Variants in TTC19 observed in about 807,000 individuals in gnomAD.
TTC19 encodes the protein tetratricopeptide repeat domain 19, also known as tetratricopeptide repeat protein 19, mitochondrial.
Under a neutral mutation model 49.5 loss-of-function variants are expected in TTC19, and 38 were observed. The observed-to-expected ratio is 0.77, with a 90% CI of 0.59 to 1.01. The LOEUF (loss-of-function observed/expected upper bound fraction) is 1.01, where lower values mean the gene tolerates loss of function less well. Ranked by LOEUF, TTC19 falls within the 50% of genes least tolerant of loss-of-function variation. TTC19 has a pLI of 0.00. For missense variants in TTC19, 475 were observed against 477.7 expected (o/e 0.99, Z 0.05); for synonymous variants, 204 against 185.2 (o/e 1.10, Z -0.83).
chr17:16,009,008 G>C lies in TTC19; in HGVS notation c.676+2440G>C, dbSNP rs1360516895. 1.3e-5 allele frequency among the ~76,000 whole-genome samples: 2 copies of C among 152,194 alleles called. 1 individual carries two copies. The highest frequency in any genetic ancestry group is 4.1e-4 in the South Asian group (2 of 4,828). On this transcript the variant is annotated intron_variant, in intron 7 of 9. Coordinates refer to ENST00000261647, the MANE Select transcript of TTC19 (RefSeq NM_017775.4). ...GTCTTCCATATCAAAGAAGGATAGA[G>C]ACTTCATCCATTATACTCAGTGCTA...
intron 9 of TTC19, chr17:16,027,044 G>A (rs1971583603): frequency 7.9e-6 from 4 of 507,096 alleles, no homozygotes; most frequent in African/African-American, 3.9e-5. Flanking sequence ...ATGACAGGAA[G>A]TATCATTTTG....
At chr17:16,020,776 GATCCTC>G (rs1473129646) in intron 7 of TTC19, among the ~76,000 whole-genome samples, 2 of 152,040 alleles carry the variant, frequency 1.3e-5, no homozygotes, top group Admixed American at 6.6e-5. Flanking sequence ...GATATCAAGT[GATCCTC>G]CCACCTCAGC....
intron 8 of TTC19, 147 bp from the exon 9 acceptor site, chr17:16,026,393 C>CA: frequency 1.4e-6 from 1 of 737,456 alleles, no homozygotes; most frequent in Non-Finnish European, 2.2e-6. Flanking sequence ...CAAATGCCCA[C>CA]AAATTTGTTA....
At chr17:16,041,401 GTTCTT>G (rs1367254550) in intron 2 of TTC19, 1 of 75,574 alleles carries the variant, frequency 1.3e-5, no homozygotes, top group Non-Finnish European at 2.9e-5. Flanking sequence ...GAATGTGAAA[GTTCTT>G]TTTTTTTTTT....
At chr17:16,044,651 T>C in exon 3 of TTC19, 2 of 648,180 alleles carry the variant, frequency 3.1e-6, no homozygotes, top group Admixed American at 1.8e-5. Flanking sequence ...CGCCTGCATC[T>C]ACTCAGCCCT....
rs895716360 is a variant in TTC19 at position 16,029,322 on chromosome 17, A to G, written c.*1800A>G. On this transcript the variant is annotated 3_prime_UTR_variant, in exon 10 of 10. Coordinates refer to ENST00000261647, the MANE Select transcript of TTC19 (RefSeq NM_017775.4). ...TTGTAAAATAAGGTACTGAAGCAAA[A>G]GGAGGACTGATCTCCTTTACTGATT... The G allele has an allele frequency of 4.5e-6, 2 of 440,874 alleles. No individual in the cohort carries two copies. Among genetic ancestry groups the G allele is most frequent in the East Asian group, 7.0e-5 (1 of 14,282 alleles). The allele number at this position is 440,874 out of a possible 1,614,324, so 27.3% of individuals were successfully genotyped here. A position where few individuals can be genotyped will look rare whatever the true frequency, so the allele number is the denominator to read the frequency against.
At chr17:16,026,850 A>G (rs1971578275) in intron 9 of TTC19, 148 bp downstream of exon 9, 1 of 855,488 alleles carries the variant, frequency 1.2e-6, no homozygotes, top group East Asian at 2.6e-5. Context: ...AAAAGGAGGT[A>G]TTGATTAGGT....
At chr17:16,043,432 A>G (rs945090613) in intron 2 of TTC19, among the ~76,000 whole-genome samples, 1 of 152,232 alleles carries the variant, frequency 6.6e-6, no homozygotes, top group Admixed American at 6.5e-5. Context: ...ACTCTAAAGC[A>G]ATTCTGTTAG....
intron 2 of TTC19, chr17:16,035,009 T>C: frequency 1.4e-6 from 2 of 1,453,922 alleles, no homozygotes; most frequent in Middle Eastern, 2.2e-4. Flanking sequence ...AAAATGCTAA[T>C]GATTATATAT....
downstream of TTC19, chr17:16,031,671 C>T: frequency 4.4e-6 from 1 of 226,578 alleles, no homozygotes; most frequent in Non-Finnish European, 8.8e-6. Context: ...TACCTTTTGA[C>T]CCTAATGTAC....
chr17:16,039,190 T>C, intron 2 of TTC19: 1 of 504,090 alleles, frequency 2.0e-6, no homozygotes, highest in Non-Finnish European at 3.6e-6. Context: ...TGCAAACAAA[T>C]AAAAAATGGA....
At chr17:16,014,624 T>C (rs1232394830) in intron 7 of TTC19, among the ~76,000 whole-genome samples, 1 of 152,220 alleles carries the variant, frequency 6.6e-6, no homozygotes, top group African/African-American at 2.4e-5. Flanking sequence ...ACATGATGCA[T>C]AAAGAAAGTA....
chr17:16,044,997 A>AAT, exon 3 of TTC19: 1 of 477,852 alleles, frequency 2.1e-6, no homozygotes, highest in Non-Finnish European at 3.8e-6. Context: ...AGCTGAACTT[A>AAT]AGAAAAAAAA....
intron 2 of TTC19, among the ~76,000 whole-genome samples, chr17:16,037,230 A>G (rs7223169): frequency 0.039 from 5,923 of 152,280 alleles, 396 homozygotes; most frequent in African/African-American, 0.13. Context: ...TGGTGCCCCC[A>G]AACAATTACA....
intron 7 of TTC19, among the ~76,000 whole-genome samples, chr17:16,023,127 A>G (rs1237877149): frequency 6.6e-6 from 1 of 152,190 alleles, no homozygotes; most frequent in Non-Finnish European, 1.5e-5. Context: ...AAGTTCAGTA[A>G]TAGTACATTT....
At chr17:16,003,971 C>G in intron 5 of TTC19, 84 bp downstream of exon 5, 1 of 1,449,414 alleles carries the variant, frequency 6.9e-7, no homozygotes, top group Non-Finnish European at 9.6e-7. Flanking sequence ...CTAGCCCCAC[C>G]ACATGCTTTG....
exon 3 of TTC19, chr17:16,044,765 A>G (rs1308325203): frequency 1.1e-6 from 1 of 892,126 alleles, no homozygotes; most frequent in Non-Finnish European, 1.9e-6. Flanking sequence ...CTTGTTTGCA[A>G]TGGCCCTGGC....
intron 9 of TTC19, 187 bp downstream of exon 9, chr17:16,026,889 A>T: frequency 4.3e-6 from 3 of 691,066 alleles, no homozygotes. Flanking sequence ...AATTCACGTA[A>T]CTTCTACAGA....
chr17:16,028,489 G>T lies in TTC19; in HGVS notation c.*967G>T. 2.2e-6 allele frequency: 1 copy of T among 454,034 alleles called. No individual in the cohort carries two copies. The highest frequency in any genetic ancestry group is 4.4e-6 in the Non-Finnish European group (1 of 226,772). The allele number at this position is 454,034 out of a possible 1,614,324, so 28.1% of individuals were successfully genotyped here. On this transcript the variant is annotated 3_prime_UTR_variant, in exon 10 of 10. Coordinates refer to ENST00000261647, the MANE Select transcript of TTC19 (RefSeq NM_017775.4). ...ACTGGGATTCTTTCTTAGCTGTGGGGGAAGGTATTTGGTTAGATGACTTTG... is the reference window on the plus strand; with the variant it reads ...ACTGGGATTCTTTCTTAGCTGTGGGTGAAGGTATTTGGTTAGATGACTTTG...
Sources: allele counts gnomAD v4.1 joint callset (sites outside exome capture counted in the v4.1 genomes callset), GRCh38; gene constraint gnomAD v4.1.1; transcripts MANE v1.5; gene names NCBI Gene and HGNC (gene_info 2026-07-23, HGNC 2026-07-21).